Variants in FGD4 observed in about 807,000 individuals in gnomAD.
The protein encoded by FGD4 is FYVE, RhoGEF and PH domain containing 4.
Under a neutral mutation model 102.0 loss-of-function variants are expected in FGD4, and 42 were observed. The ratio of observed to expected loss-of-function variants is 0.41; its 90% confidence interval spans 0.32 to 0.53. FGD4 has a LOEUF of 0.53. FGD4 is among the 20% of genes least tolerant of loss of function. FGD4 has a pLI of 0.21. For missense variants in FGD4, 902 were observed against 1,078.2 expected (o/e 0.84, Z 2.29); for synonymous variants, 380 against 375.7 (o/e 1.01, Z -0.13).
At chr12:32,498,649 G>A (rs1432778425) in intron 1 of FGD4, among the ~76,000 whole-genome samples, 1 of 152,114 alleles carries the variant, frequency 6.6e-6, no homozygotes, top group African/African-American at 2.4e-5. Context: ...TGTCGCCCAG[G>A]CTGGAGTGCA....
At chr12:32,559,535 TAAAC>T (rs1944376133) in intron 1 of FGD4, among the ~76,000 whole-genome samples, 1 of 152,250 alleles carries the variant, frequency 6.6e-6, no homozygotes, top group Non-Finnish European at 1.5e-5. Context: ...CTTGTTTTAA[TAAAC>T]AATGTTCTGA....
chr12:32,509,941 C>G (rs1939186634), intron 1 of FGD4, among the ~76,000 whole-genome samples: 1 of 152,144 alleles, frequency 6.6e-6, no homozygotes, highest in Non-Finnish European at 1.5e-5. Flanking sequence ...AGTAGAAACA[C>G]ATAGTTCTAA....
At chr12:32,477,738 A>C (rs562183866) in intron 1 of FGD4, among the ~76,000 whole-genome samples, 17 of 152,360 alleles carry the variant, frequency 1.1e-4, no homozygotes, top group African/African-American at 3.8e-4. Context: ...ATGCTCTTTA[A>C]GAGTTGTGAA....
At chr12:32,484,359 A>G (rs1437695813) in intron 1 of FGD4, among the ~76,000 whole-genome samples, 3 of 70,410 alleles carry the variant, frequency 4.3e-5, no homozygotes, top group African/African-American at 1.4e-4. Flanking sequence ...AAGGTAACAT[A>G]CAATTTTTAG....
chr12:32,564,935 A>G (rs1190936515), intron 2 of FGD4, among the ~76,000 whole-genome samples: 1 of 152,186 alleles, frequency 6.6e-6, no homozygotes. Flanking sequence ...GATGATAGAG[A>G]GCAAGGCCTT....
intron 4 of FGD4, among the ~76,000 whole-genome samples, chr12:32,585,179 C>T (rs969909083): frequency 2.7e-5 from 4 of 147,396 alleles, no homozygotes; most frequent in African/African-American, 5.0e-5. Context: ...CCCACCACAG[C>T]GCTCCAGGCT....
At chr12:32,552,907 A>G (rs1943807548) in intron 1 of FGD4, among the ~76,000 whole-genome samples, 1 of 149,202 alleles carries the variant, frequency 6.7e-6, no homozygotes, top group Admixed American at 6.7e-5. Flanking sequence ...CCTCTTGAGT[A>G]GCTGGGATTA....
intron 1 of FGD4, among the ~76,000 whole-genome samples, chr12:32,557,390 GT>G (rs1219565204): frequency 3.3e-5 from 5 of 151,986 alleles, no homozygotes; most frequent in Non-Finnish European, 5.9e-5. Context: ...CTATACATTT[GT>G]CTATAACTTA....
At chr12:32,624,484 T>TC in intron 12 of FGD4, 32 bp downstream of exon 12, 1 of 1,524,172 alleles carries the variant, frequency 6.6e-7, no homozygotes, top group Non-Finnish European at 9.0e-7. Context: ...TTTTCTTTCT[T>TC]TTTTTTTTTG....
chr12:32,578,843 AC>A (rs952157645), intron 3 of FGD4, among the ~76,000 whole-genome samples: 2 of 151,422 alleles, frequency 1.3e-5, no homozygotes, highest in Admixed American at 1.3e-4. Context: ...AAAAAAAAAA[AC>A]ATCGTAGCAC....
intron 1 of FGD4, among the ~76,000 whole-genome samples, chr12:32,479,635 C>A (rs1313587437): frequency 6.7e-6 from 1 of 149,872 alleles, no homozygotes; most frequent in Non-Finnish European, 1.5e-5. Flanking sequence ...TAAATTTAAT[C>A]CTCTAAAGAT....
chr12:32,519,837 C>T (rs907942099), intron 1 of FGD4, among the ~76,000 whole-genome samples: 4 of 152,002 alleles, frequency 2.6e-5, no homozygotes, highest in African/African-American at 9.7e-5. Context: ...GTCCCATCTA[C>T]TTGGGAGGCT....
chr12:32,619,744 G>A lies in FGD4; in HGVS notation c.1796G>A (p.Gly599Asp). 2 of 1,614,108 alleles carry A rather than the reference G, an allele frequency of 1.2e-6. No individual in the cohort carries two copies. The highest frequency in any genetic ancestry group is 1.7e-6 in the Non-Finnish European group (2 of 1,180,022). ...LYCVPKFSLV[G>D]SKFTVRTRVG... ...TGTGTGCCCAAATTCAGCTTGGTAG[G>A]CTCTAAATTCACAGTTCGAACCAGG... The change falls in exon 11 of 17, where the codon GGC becomes GAC. Residue 599 changes from glycine to aspartate, a missense_variant. By Grantham distance (94) the Gly-to-Asp change is moderately conservative (BLOSUM62 -1). Transcript: ENST00000534526.
At chr12:32,527,965 T>A (rs914435190) in intron 1 of FGD4, among the ~76,000 whole-genome samples, 25 of 143,596 alleles carry the variant, frequency 1.7e-4, no homozygotes, top group African/African-American at 6.9e-4. Context: ...TTCTTTTTTC[T>A]TTTTCTTTTT....
intron 1 of FGD4, among the ~76,000 whole-genome samples, chr12:32,440,221 A>G (rs113553589): frequency 7.3e-4 from 111 of 152,288 alleles, no homozygotes; most frequent in African/African-American, 2.1e-3. Context: ...GTTCTTCAGT[A>G]TCTGGGCATT....
At chr12:32,526,144 T>G (rs998767292) in intron 1 of FGD4, among the ~76,000 whole-genome samples, 3 of 152,240 alleles carry the variant, frequency 2.0e-5, no homozygotes, top group African/African-American at 7.2e-5. Context: ...CTGAGTCTGG[T>G]GGGGACATGG....
intron 1 of FGD4, among the ~76,000 whole-genome samples, chr12:32,459,897 C>T (rs61927216): frequency 0.32 from 48,477 of 151,264 alleles, 8,804 homozygotes; most frequent in East Asian, 0.44. Context: ...TTTGGAGAGA[C>T]GTGGTCTCAT....
chr12:32,411,778 C>A (rs1344580153), intron 1 of FGD4, among the ~76,000 whole-genome samples: 1 of 152,134 alleles, frequency 6.6e-6, no homozygotes, highest in Non-Finnish European at 1.5e-5. Flanking sequence ...AGTTCTAGAC[C>A]AGCCTGACCA....
At chr12:32,620,033 A>C (rs1417648862) in intron 11 of FGD4, among the ~76,000 whole-genome samples, 163 bp downstream of exon 11, 2 of 152,204 alleles carry the variant, frequency 1.3e-5, no homozygotes, top group Non-Finnish European at 2.9e-5. Flanking sequence ...AGCAGGAGTC[A>C]TGTCTCCCCT....
Sources: allele counts gnomAD v4.1 joint callset (sites outside exome capture counted in the v4.1 genomes callset), GRCh38; gene constraint gnomAD v4.1.1; transcripts MANE v1.5; gene names NCBI Gene and HGNC (gene_info 2026-07-23, HGNC 2026-07-21).